The following PITPNB variants were observed in gnomAD, a reference collection of about 807,000 sequenced individuals.
The protein encoded by PITPNB is phosphatidylinositol transfer protein beta.
A neutral mutation model predicts 45.9 loss-of-function variants in PITPNB; 16 were observed. That is an observed-to-expected ratio of 0.35 (90% CI 0.24 to 0.53). The LOEUF is 0.53. PITPNB is among the 20% of genes least tolerant of loss of function. PITPNB has a pLI of 0.93. For missense variants in PITPNB, 188 were observed against 330.5 expected (o/e 0.57, Z 3.34); for synonymous variants, 112 against 108.9 (o/e 1.03, Z -0.18).
At chr22:27,864,783 C>A (rs1934435198) in intron 8 of PITPNB, among the ~76,000 whole-genome samples, 1 of 151,906 alleles carries the variant, frequency 6.6e-6, no homozygotes, top group South Asian at 2.1e-4. Flanking sequence ...ACTAAAGATA[C>A]AAAAATTAGC....
chr22:27,908,749 C>T (rs1935834895), intron 3 of PITPNB, among the ~76,000 whole-genome samples: 2 of 151,970 alleles, frequency 1.3e-5, no homozygotes. Flanking sequence ...AATCTTCTCT[C>T]AATAGACATA....
At position 27,854,887 on chromosome 22, in the gene PITPNB, C is replaced by CT; in HGVS notation, c.*4dup. ...ACATTGTCTCTGACCCTACAGGGGACTCATCTAGACATCAGCAGCCGACGT... is the reference window on the plus strand; with the variant it reads ...ACATTGTCTCTGACCCTACAGGGGACTTCATCTAGACATCAGCAGCCGACGT... On this transcript the variant is annotated 3_prime_UTR_variant, in exon 11 of 12. Coordinates refer to ENST00000335272, the MANE Select transcript of PITPNB (RefSeq NM_012399.5). 6.2e-7 allele frequency: 1 copy of CT among 1,613,348 alleles called. No individual in the cohort carries two copies. Among genetic ancestry groups the CT allele is most frequent in the Non-Finnish European group, 8.5e-7 (1 of 1,179,298 alleles).
Position 27,873,931 on chromosome 22 carries a change from T to C in PITPNB, c.457-116A>G, listed in dbSNP as rs1601391654. ...CAGGACAGAAATCAATTAGACTCAC[T>C]GTGCTTTTGCGTAAAAGTAGAAAAA... On this transcript the variant is annotated intron_variant, in intron 7 of 11. Transcript: ENST00000335272. 7.4e-6 allele frequency: 5 copies of C among 672,692 alleles called. No homozygotes were observed. The East Asian group carries it at 1.1e-4, about 15-fold the overall frequency. 41.7% of individuals were successfully genotyped at this position (672,692 alleles called of 1,614,324 possible).
chr22:27,916,366 C>T (rs1439161319), intron 1 of PITPNB, among the ~76,000 whole-genome samples: 2 of 152,126 alleles, frequency 1.3e-5, no homozygotes, highest in Non-Finnish European at 2.9e-5. Flanking sequence ...GTCTGAAAAT[C>T]CTCATAAAAA....
chr22:27,889,764 C>T (rs1327715925), intron 7 of PITPNB, among the ~76,000 whole-genome samples: 1 of 152,212 alleles, frequency 6.6e-6, no homozygotes, highest in Non-Finnish European at 1.5e-5. Flanking sequence ...GCTGCATGCA[C>T]AGCACTGGTA....
intron 1 of PITPNB, 29 bp from the exon 2 acceptor site, chr22:27,914,376 A>ATG (rs2146432509): frequency 7.1e-7 from 1 of 1,405,952 alleles, no homozygotes; most frequent in East Asian, 2.4e-5. Context: ...AAATATATAT[A>ATG]TTACATATGA....
intron 7 of PITPNB, among the ~76,000 whole-genome samples, chr22:27,874,641 A>T (rs1934766911): frequency 1.3e-5 from 2 of 152,006 alleles, no homozygotes; most frequent in East Asian, 3.9e-4. Context: ...ACAAACACAC[A>T]CTCTCTCTCT....
intron 10 of PITPNB, 40 bp from the exon 11 acceptor site, chr22:27,854,979 T>G: frequency 2.1e-6 from 3 of 1,406,574 alleles, no homozygotes; most frequent in South Asian, 2.3e-5. Flanking sequence ...GAAATCAGAC[T>G]CTAAATAGGG....
chr22:27,894,718 G>C, intron 6 of PITPNB, 80 bp from the exon 7 acceptor site: 1 of 768,920 alleles, frequency 1.3e-6, no homozygotes, highest in Non-Finnish European at 2.2e-6. Context: ...TTTATCTTGA[G>C]TCTCTCAGGG....
chr22:27,902,368 C>G (rs1452782202), intron 3 of PITPNB, among the ~76,000 whole-genome samples: 2 of 152,068 alleles, frequency 1.3e-5, no homozygotes, highest in East Asian at 1.9e-4. Flanking sequence ...CCACATGGGC[C>G]CCACCTTATA....
chr22:27,870,273 G>T (rs1322170117), intron 8 of PITPNB, among the ~76,000 whole-genome samples: 1 of 152,176 alleles, frequency 6.6e-6, no homozygotes, highest in African/African-American at 2.4e-5. Context: ...ATGTAACCTT[G>T]TATAGTACCT....
At chr22:27,887,193 C>T (rs1935145880) in intron 7 of PITPNB, among the ~76,000 whole-genome samples, 1 of 152,156 alleles carries the variant, frequency 6.6e-6, no homozygotes, top group African/African-American at 2.4e-5. Flanking sequence ...GAGGTGTTAC[C>T]ACTAAACACA....
intron 7 of PITPNB, among the ~76,000 whole-genome samples, chr22:27,880,240 G>A (rs1224418929): frequency 1.3e-5 from 2 of 152,146 alleles, no homozygotes; most frequent in African/African-American, 4.8e-5. Flanking sequence ...GAAAAAATGT[G>A]ATTTACATTC....
At chr22:27,871,299 C>G (rs1332102137) in intron 8 of PITPNB, among the ~76,000 whole-genome samples, 1 of 152,218 alleles carries the variant, frequency 6.6e-6, no homozygotes, top group Non-Finnish European at 1.5e-5. Flanking sequence ...TAGGAAGGAT[C>G]TGAGCCCAAA....
chr22:27,873,690 T>C, intron 8 of PITPNB, 48 bp downstream of exon 8: 2 of 1,098,398 alleles, frequency 1.8e-6, no homozygotes, highest in Non-Finnish European at 2.8e-6. Context: ...ACCTGTCAAG[T>C]GTTCTGTTGC....
At position 27,907,099 on chromosome 22, in the gene PITPNB, AC is replaced by A. The variant is rs1396161719; in HGVS notation, c.197+3864del. ...TATTGATGTTATATAGTGACGGTGC[AC>A]CCAGCTTAGGATAATTTATGGAGTA... On this transcript the variant is annotated intron_variant, in intron 3 of 11. Coordinates refer to ENST00000335272, the MANE Select transcript of PITPNB (RefSeq NM_012399.5). Among the ~76,000 whole-genome samples the A allele has an allele frequency of 2.0e-5, 3 of 152,218 alleles. No individual in the cohort carries two copies. The East Asian group carries it at 5.8e-4, about 29-fold the overall frequency.
chr22:27,874,511 G>A lies in PITPNB; in HGVS notation c.457-696C>T, dbSNP rs185555440. Among the ~76,000 whole-genome samples the A allele has an allele frequency of 2.0e-5, 3 of 152,166 alleles. No individual in the cohort carries two copies. In the East Asian group the frequency reaches 5.8e-4, roughly 29 times the overall value. On this transcript the variant is annotated intron_variant, in intron 7 of 11. Transcript: ENST00000335272. ...GCTCTAAAATGAAGGTTTTATTCAG[G>A]GTTCTAGTGTGTGTAAATTCTGTTT...
At chr22:27,860,771 T>C (rs916461122) in intron 8 of PITPNB, among the ~76,000 whole-genome samples, 2 of 152,140 alleles carry the variant, frequency 1.3e-5, no homozygotes, top group African/African-American at 4.8e-5. Context: ...TATTTGGAGG[T>C]AAATCCTATA....
intron 3 of PITPNB, chr22:27,898,215 A>C: frequency 3.7e-6 from 1 of 269,628 alleles, no homozygotes; most frequent in Non-Finnish European, 7.3e-6. Context: ...GTCTCTACAA[A>C]AAATATAAAA....
Sources: gnomAD v4.1 joint callset for allele counts (sites outside exome capture counted in the v4.1 genomes callset) on GRCh38, gnomAD v4.1.1 for gene constraint, MANE v1.5 for transcripts, NCBI Gene and HGNC (gene_info 2026-07-23, HGNC 2026-07-21) for gene names.